The following GATA4 variants were observed in gnomAD, a reference collection of about 807,000 sequenced individuals.
GATA4 encodes GATA binding protein 4, also known as transcription factor GATA-4.
Under a neutral mutation model 37.9 loss-of-function variants are expected in GATA4, and 7 were observed. That is an observed-to-expected ratio of 0.18 (90% confidence interval 0.11 to 0.35). GATA4 has a LOEUF of 0.35. Ranked by LOEUF, GATA4 falls within the 10% of genes least tolerant of loss-of-function variation. The probability of loss-of-function intolerance (pLI) is 1.00; values close to 1 mark genes in which losing one functional copy is unlikely to be tolerated. For synonymous variants in GATA4, 372 were observed against 292.6 expected (o/e 1.27, Z -2.77); for missense variants, 647 against 653.0 (o/e 0.99, Z 0.10).
chr8:11,702,956 G>A (rs1472521362), upstream of GATA4, among the ~76,000 whole-genome samples: 1 of 152,234 alleles, frequency 6.6e-6, no homozygotes, highest in Non-Finnish European at 1.5e-5. This position sits in a 1 kb window ranked among gnomAD's most constrained non-coding sequence, Gnocchi z 4.4. Context: ...CCCATGGGGG[G>A]TTTCCTTCTA....
rs748517048 is a variant in GATA4, at chr8:11,756,973, G to A, written c.1039G>A (p.Ala347Thr). Residue 347 changes from alanine to threonine, a missense_variant, in exon 6 of 7, where the codon GCT (alanine) becomes ACT (threonine). By Grantham distance (58) the Ala-to-Thr change is moderately conservative. Transcript: ENST00000532059. ...GSESLPPASG[A>T]SSNSSNATTS... Reference sequence around the variant, plus strand: ...TGAGAGCCTTCCTCCCGCCAGCGGTGCTTCCAGCAACTCCAGCAACGCCAC... The same window carrying A: ...TGAGAGCCTTCCTCCCGCCAGCGGTACTTCCAGCAACTCCAGCAACGCCAC... 10 of 1,614,108 alleles carry A rather than the reference G, an allele frequency of 6.2e-6. No individual in the cohort carries two copies. The South Asian group carries it at 9.9e-5, about 16-fold the overall frequency.
At chr8:11,685,835 G>A (rs1352257663) in intron 1 of GATA4, among the ~76,000 whole-genome samples, 1 of 152,190 alleles carries the variant, frequency 6.6e-6, no homozygotes, top group Non-Finnish European at 1.5e-5. Context: ...GGTAGTGATG[G>A]GGGATGCTGC....
intron 2 of GATA4, among the ~76,000 whole-genome samples, chr8:11,734,660 T>G (rs1250708035): frequency 2.0e-5 from 3 of 152,218 alleles, no homozygotes; most frequent in African/African-American, 7.2e-5. Flanking sequence ...CTAATTTTTG[T>G]ATCTTTAGTA....
chr8:11,743,465 G>A (rs1801860910), intron 2 of GATA4, among the ~76,000 whole-genome samples: 1 of 152,258 alleles, frequency 6.6e-6, no homozygotes, highest in Non-Finnish European at 1.5e-5. Context: ...GGGAGCATCT[G>A]CAGGAGAGCA....
chr8:11,755,474 CAG>C (rs1297114362), intron 5 of GATA4, among the ~76,000 whole-genome samples: 1 of 152,196 alleles, frequency 6.6e-6, no homozygotes, highest in Admixed American at 6.5e-5. Flanking sequence ...CCCAAAAGCT[CAG>C]TTCCTTTCAA....
At chr8:11,721,515 G>T (rs1800676426) in intron 2 of GATA4, among the ~76,000 whole-genome samples, 1 of 151,972 alleles carries the variant, frequency 6.6e-6, no homozygotes. Flanking sequence ...GCCTCCCGCT[G>T]AGTCACCCAT....
chr8:11,732,925 G>A (rs1214515868), intron 2 of GATA4, among the ~76,000 whole-genome samples: 2 of 152,164 alleles, frequency 1.3e-5, no homozygotes. Flanking sequence ...ATACCTCTCA[G>A]CTCTCCTGCC....
intron 1 of GATA4, among the ~76,000 whole-genome samples, chr8:11,684,895 T>G (rs1799089545): frequency 6.6e-6 from 1 of 152,262 alleles, no homozygotes. Flanking sequence ...AATTGACTGC[T>G]GCTGGTGGTT....
upstream of GATA4, among the ~76,000 whole-genome samples, chr8:11,691,447 C>G (rs1799310623): frequency 6.6e-6 from 1 of 152,190 alleles, no homozygotes; most frequent in South Asian, 2.1e-4. Context: ...ACTACAGGCA[C>G]GTGCCACCAC....
chr8:11,755,774 T>C (rs1225183879), intron 5 of GATA4, among the ~76,000 whole-genome samples: 2 of 152,238 alleles, frequency 1.3e-5, no homozygotes, highest in Middle Eastern at 3.4e-3. Flanking sequence ...TCTGGGTCAA[T>C]GTTCTCTTCA....
chr8:11,690,961 A>G (rs187498906), upstream of GATA4, among the ~76,000 whole-genome samples: 30 of 152,336 alleles, frequency 2.0e-4, no homozygotes, highest in African/African-American at 6.3e-4. Flanking sequence ...TTCTGCAGTC[A>G]ACCTACTTGA....
chr8:11,752,118 G>A (rs1379505581), intron 4 of GATA4, among the ~76,000 whole-genome samples: 3 of 152,070 alleles, frequency 2.0e-5, no homozygotes, highest in Non-Finnish European at 4.4e-5. Flanking sequence ...TAATAATCTA[G>A]GGCCATGTAT....
intron 1 of GATA4, among the ~76,000 whole-genome samples, chr8:11,706,924 CTTATT>C (rs1012279799): frequency 1.3e-5 from 2 of 152,158 alleles, no homozygotes; most frequent in Admixed American, 6.6e-5. Flanking sequence ...AAGTGGAGCT[CTTATT>C]TTATCAGAAA....
chr8:11,681,097 C>T (rs1180890828), intron 1 of GATA4: 1 of 978,946 alleles, frequency 1.0e-6, no homozygotes, highest in African/African-American at 1.8e-5. Context: ...TGGGTGGCGC[C>T]CCAGGCTCGC....
intron 1 of GATA4, among the ~76,000 whole-genome samples, chr8:11,684,371 G>C (rs1280570900): frequency 3.9e-5 from 6 of 152,192 alleles, no homozygotes; most frequent in African/African-American, 1.4e-4. Context: ...CTAAAAATAA[G>C]GTGCAGGAAT....
intron 2 of GATA4, among the ~76,000 whole-genome samples, chr8:11,716,115 C>A (rs2130117615): frequency 6.6e-6 from 1 of 152,200 alleles, no homozygotes; most frequent in East Asian, 1.9e-4. Flanking sequence ...TCCATTCATC[C>A]ATGGATGGAC....
At chr8:11,756,603 T>G (rs2645457) in intron 5 of GATA4, 197,455 of 405,734 alleles carry the variant, frequency 0.49, 52,227 homozygotes, top group Non-Finnish European at 0.56. Flanking sequence ...CATTATAGAG[T>G]ATTATCTCAG....
At chr8:11,752,047 G>C (rs755511184) in intron 4 of GATA4, among the ~76,000 whole-genome samples, 3 of 152,120 alleles carry the variant, frequency 2.0e-5, no homozygotes, top group Non-Finnish European at 4.4e-5. Flanking sequence ...CCCCATAAAG[G>C]AATGGTTGAA....
intron 1 of GATA4, chr8:11,683,194 T>A (rs1799030833): frequency 2.2e-6 from 2 of 900,696 alleles, no homozygotes; most frequent in South Asian, 1.0e-4. Context: ...GCAGGAACAA[T>A]CCATTAGACC....
Sources: allele counts gnomAD v4.1 joint callset (sites outside exome capture counted in the v4.1 genomes callset), GRCh38; gene constraint gnomAD v4.1.1; non-coding constraint Gnocchi (gnomAD v3.1); transcripts MANE v1.5; gene names NCBI Gene and HGNC (gene_info 2026-07-23, HGNC 2026-07-21).